The following SUMF1 variants were observed in gnomAD, a reference collection of about 807,000 sequenced individuals.
SUMF1 encodes formylglycine-generating enzyme.
SUMF1 carries 48 observed loss-of-function variants against 47.6 expected under a neutral mutation model. The observed-to-expected ratio is 1.01, with a 90% CI of 0.80 to 1.28. The LOEUF is 1.28. Among genes scored for constraint, SUMF1 ranks in the 50% most tolerant of loss-of-function variants. SUMF1 has a pLI of 0.00. For synonymous variants in SUMF1, 230 were observed against 192.1 expected, an observed-to-expected ratio of 1.20 and a Z score of -1.63; for missense variants, 571 against 485.4, an observed-to-expected ratio of 1.18 and a Z score of -1.66.
At chr3:4,313,527 T>C in intron 8 of SUMF1, 2 of 1,614,032 alleles carry the variant, frequency 1.2e-6, no homozygotes, top group Non-Finnish European at 1.7e-6. Context: ...CTTATGATTA[T>C]TCAGGAAGAT....
chr3:4,357,890 G>A (rs933871843), downstream of SUMF1, among the ~76,000 whole-genome samples: 1 of 152,066 alleles, frequency 6.6e-6, no homozygotes, highest in Non-Finnish European at 1.5e-5. Flanking sequence ...TTACAGGCAT[G>A]AGCCACCGTG....
intron 8 of SUMF1, among the ~76,000 whole-genome samples, chr3:4,255,719 C>T (rs1696935799): frequency 7.4e-6 from 1 of 135,732 alleles, no homozygotes; most frequent in East Asian, 2.1e-4. Flanking sequence ...GACAGAAAGT[C>T]AACAAGGATA....
At chr3:4,187,675 T>A (rs1054847580) in intron 8 of SUMF1, among the ~76,000 whole-genome samples, 1 of 152,184 alleles carries the variant, frequency 6.6e-6, no homozygotes, top group African/African-American at 2.4e-5. Context: ...CTATTCTCAC[T>A]AACTACAGGT....
chr3:4,334,622 G>A (rs1392463443), intron 8 of SUMF1, among the ~76,000 whole-genome samples: 1 of 152,212 alleles, frequency 6.6e-6, no homozygotes, highest in Non-Finnish European at 1.5e-5. Context: ...CAAGGAAAGG[G>A]AATGGATCAA....
intron 6 of SUMF1, among the ~76,000 whole-genome samples, chr3:4,415,705 C>T (rs1275357231): frequency 2.0e-5 from 3 of 151,832 alleles, no homozygotes; most frequent in Admixed American, 1.3e-4. Context: ...CCCAGCTACT[C>T]GGGAGGTTGA....
At chr3:4,346,952 G>A (rs754168575) in intron 8 of SUMF1, among the ~76,000 whole-genome samples, 192 of 152,154 alleles carry the variant, frequency 1.3e-3, no homozygotes, top group Non-Finnish European at 2.1e-3. Flanking sequence ...ATAAATTCCT[G>A]GACACATACA....
intron 8 of SUMF1, among the ~76,000 whole-genome samples, chr3:4,213,537 G>C (rs1159129300): frequency 6.6e-6 from 1 of 152,110 alleles, no homozygotes; most frequent in Admixed American, 6.5e-5. Context: ...GCATCATAAT[G>C]GTAAGACCAA....
At chr3:4,168,205 G>T (rs960659818) in intron 8 of SUMF1, among the ~76,000 whole-genome samples, 5 of 152,240 alleles carry the variant, frequency 3.3e-5, no homozygotes, top group African/African-American at 1.2e-4. Context: ...CCCCCATGTG[G>T]TCTGAACCTT....
chr3:4,282,978 T>C (rs189776764), intron 8 of SUMF1, among the ~76,000 whole-genome samples: 9 of 152,320 alleles, frequency 5.9e-5, no homozygotes, highest in Admixed American at 4.6e-4. Flanking sequence ...TTCTCTACTC[T>C]GAGAACAAAA....
At chr3:4,279,762 G>A (rs1697490608) in intron 8 of SUMF1, among the ~76,000 whole-genome samples, 1 of 152,074 alleles carries the variant, frequency 6.6e-6, no homozygotes, top group Non-Finnish European at 1.5e-5. Flanking sequence ...TTTTTAAATG[G>A]AACCACTTTT....
intron 8 of SUMF1, chr3:4,312,959 C>T: frequency 6.2e-7 from 1 of 1,613,910 alleles, no homozygotes; most frequent in Non-Finnish European, 8.5e-7. Context: ...ATAACCTTTC[C>T]CGGATGCATT....
At chr3:4,038,025 G>A (rs974113870) in intron 9 of SUMF1, among the ~76,000 whole-genome samples, 7 of 152,052 alleles carry the variant, frequency 4.6e-5, no homozygotes, top group Non-Finnish European at 1.0e-4. Context: ...CTGTGTTCTC[G>A]GTCAATGATC....
intron 8 of SUMF1, among the ~76,000 whole-genome samples, chr3:4,120,155 T>G (rs1444809603): frequency 6.6e-6 from 1 of 152,038 alleles, no homozygotes; most frequent in East Asian, 1.9e-4. Flanking sequence ...CTATTAAAGT[T>G]GCCAATTTTG....
At chr3:4,388,466 G>T (rs1700743796) in intron 7 of SUMF1, among the ~76,000 whole-genome samples, 1 of 151,544 alleles carries the variant, frequency 6.6e-6, no homozygotes, top group Non-Finnish European at 1.5e-5. Context: ...AATATTTGAA[G>T]TTTCTTGTAC....
chr3:4,316,690 T>C (rs1260561055), intron 8 of SUMF1: 2 of 1,550,972 alleles, frequency 1.3e-6, no homozygotes, highest in East Asian at 2.4e-5. Context: ...GAAAAGTGGA[T>C]TTTATATGAC....
chr3:4,092,967 T>C (rs1004984657), intron 8 of SUMF1, among the ~76,000 whole-genome samples: 1 of 152,076 alleles, frequency 6.6e-6, no homozygotes, highest in Admixed American at 6.6e-5. Context: ...GAGGAAGTTA[T>C]TCCATGAATG....
chr3:4,142,378 T>TA (rs1026249343), intron 8 of SUMF1, among the ~76,000 whole-genome samples: 2 of 152,174 alleles, frequency 1.3e-5, no homozygotes, highest in African/African-American at 4.8e-5. Flanking sequence ...TATTGCTGTA[T>TA]AGTCACATGC....
intron 8 of SUMF1, among the ~76,000 whole-genome samples, chr3:4,146,671 T>A (rs963574977): frequency 1.3e-5 from 2 of 151,948 alleles, no homozygotes; most frequent in African/African-American, 4.8e-5. Context: ...TATCTCCTAA[T>A]GTTATCCCTC....
intron 8 of SUMF1, among the ~76,000 whole-genome samples, chr3:4,237,040 A>C (rs186223520): frequency 1.3e-5 from 2 of 152,230 alleles, no homozygotes; most frequent in Non-Finnish European, 2.9e-5. Context: ...ATATGAGTTT[A>C]AGTTTCCTCC....
Sources: allele counts gnomAD v4.1 joint callset (sites outside exome capture counted in the v4.1 genomes callset), GRCh38; gene constraint gnomAD v4.1.1; transcripts MANE v1.5; gene names NCBI Gene and HGNC (gene_info 2026-07-23, HGNC 2026-07-21).